Variants in PHACTR2 observed in about 807,000 individuals in gnomAD.
PHACTR2 encodes phosphatase and actin regulator 2.
PHACTR2 carries 30 observed loss-of-function variants against 76.0 expected under a neutral mutation model. The ratio of observed to expected loss-of-function variants is 0.39; its 90% CI spans 0.30 to 0.54. The LOEUF is 0.54. Ranked by LOEUF, PHACTR2 falls within the 20% of genes least tolerant of loss-of-function variation. PHACTR2 has a pLI of 0.61. For synonymous variants in PHACTR2, 292 were observed against 292.5 expected (o/e 1.00, Z 0.02); for missense variants, 696 against 781.1 (o/e 0.89, Z 1.30).
chr6:143,604,702 T>A (rs1775848322), upstream of PHACTR2, among the ~76,000 whole-genome samples: 1 of 151,782 alleles, frequency 6.6e-6, no homozygotes, highest in Non-Finnish European at 1.5e-5. Context: ...ATCAACATGG[T>A]GAAACCCATC....
In PHACTR2 at chr6:143,711,107, A is replaced by G. The variant is rs1218320093; in HGVS notation, c.47-909A>G. 5.9e-6 allele frequency: 3 copies of G among 508,352 alleles called. No homozygotes were observed. In the East Asian group the frequency reaches 1.6e-4, roughly 28 times the overall value. The allele number at this position is 508,352 out of a possible 1,614,324, so 31.5% of individuals were successfully genotyped here. Reference sequence around the variant, plus strand: ...TTGATGAGTTTTGGGTAATCCAACCATCGTTGAGATAATTTCCATCACCGC... The same window carrying G: ...TTGATGAGTTTTGGGTAATCCAACCGTCGTTGAGATAATTTCCATCACCGC... On this transcript the variant is annotated intron_variant, in intron 1 of 12. Transcript: ENST00000440869.
Position 143,753,910 on chromosome 6 carries a change from A to G in PHACTR2, c.452A>G (p.Lys151Arg). 6.3e-7 allele frequency: 1 copy of G among 1,596,118 alleles called. No individual in the cohort carries two copies. Among genetic ancestry groups the G allele is most frequent in the Non-Finnish European group, 8.5e-7 (1 of 1,174,516 alleles). The change falls in exon 4 of 13, where the codon AAA (lysine) becomes AGA (arginine). Residue 151 changes from lysine to arginine, a missense_variant and splice_region_variant. This residue lies in a region of PHACTR2 where 460 missense variants were observed against 450.9 expected (regional missense o/e 1.02). Transcript: ENST00000440869. This position sits in a 1 kb window ranked among gnomAD's most constrained non-coding sequence, Gnocchi z 4.6. The stretch of plus-strand genomic sequence containing the variant: ...CTGGAGGAACAGGCAGAAGATAAGA[A>G]AGGTAAAATAAAGACAAACCCATAT... The part of the protein sequence containing the change: ...PPLEEQAEDK[K>R]ENTENHSETP...
At position 143,783,704 on chromosome 6, in the gene PHACTR2, T is replaced by C. The variant is rs1461980276; in HGVS notation, c.1707+424T>C. On this transcript the variant is annotated intron_variant, in intron 10 of 12. Coordinates refer to ENST00000440869, the MANE Select transcript of PHACTR2 (RefSeq NM_001100164.2). This position sits in a 1 kb window ranked among gnomAD's most constrained non-coding sequence, Gnocchi z 5.2. ...TTTCTGATTGTGTGTTGTGCTAATT[T>C]TGAATAATTAACAAGGGTTTTAAGT... 6.6e-6 allele frequency among the ~76,000 whole-genome samples: 1 copy of C among 152,220 alleles called. No homozygotes were observed. The highest frequency in any genetic ancestry group is 2.4e-5 in the African/African-American group (1 of 41,460).
rs374892080 is a variant in PHACTR2 at position 143,813,402 on chromosome 6, G to A, written c.1922+6269G>A. ...TGGGAGGCTGAGGTCGGTGGATCAC[G>A]AGGTCAGGAGATTGAGATCATCCTG... On this transcript the variant is annotated intron_variant, in intron 12 of 12. Transcript: ENST00000440869. Among the ~76,000 whole-genome samples, 50 of 152,086 alleles carry A rather than the reference G, an allele frequency of 3.3e-4. 1 individual carries two copies. In the East Asian group the frequency reaches 8.7e-3, roughly 26 times the overall value.
chr6:143,702,255 G>A (rs560510841), intron 1 of PHACTR2, among the ~76,000 whole-genome samples: 39 of 150,672 alleles, frequency 2.6e-4, no homozygotes, highest in Non-Finnish European at 4.4e-4. Flanking sequence ...CTACAGGTGC[G>A]CACCACGACA....
At chr6:143,572,712 C>G (rs1019649708) in intron 1 of PHACTR2, among the ~76,000 whole-genome samples, 4 of 152,160 alleles carry the variant, frequency 2.6e-5, no homozygotes, top group African/African-American at 7.2e-5. Flanking sequence ...GCCACCACAC[C>G]CAGCTAATTT....
At chr6:143,612,235 G>A (rs1013927097) in intron 1 of PHACTR2, among the ~76,000 whole-genome samples, 1 of 152,194 alleles carries the variant, frequency 6.6e-6, no homozygotes, top group Admixed American at 6.6e-5. Flanking sequence ...ATAAGACCAG[G>A]CAAAGAGAAA....
At chr6:143,567,156 G>A (rs995415507) in intron 1 of PHACTR2, among the ~76,000 whole-genome samples, 1 of 151,968 alleles carries the variant, frequency 6.6e-6, no homozygotes, top group Admixed American at 6.5e-5. Flanking sequence ...TCACTACCTC[G>A]AAGTACCAAA....
At position 143,771,194 on chromosome 6, in the gene PHACTR2, GTATATATATATATATATATATATA is replaced by G. The variant is rs769993035; in HGVS notation, c.1233-1046_1233-1023del. 1.1e-3 allele frequency among the ~76,000 whole-genome samples: 43 copies of G among 40,476 alleles called. 2 individuals carry two copies. The highest frequency in any genetic ancestry group is 3.3e-3 in the African/African-American group (33 of 9,902). The allele number at this position is 40,476 out of a possible 152,430, so 26.6% of individuals were successfully genotyped here. ...TATATGTATATATATATATATGTGTGTATATATATATATATATATATATATATATATATATATATATGCTTTTTT... is the reference window on the plus strand; with the variant it reads ...TATATGTATATATATATATATGTGTGTATATATATATATATATGCTTTTTT... On this transcript the variant is annotated intron_variant, in intron 6 of 12. Coordinates refer to ENST00000440869, the MANE Select transcript of PHACTR2 (RefSeq NM_001100164.2).
At chr6:143,650,959 C>T (rs1326360823) in intron 1 of PHACTR2, among the ~76,000 whole-genome samples, 2 of 151,962 alleles carry the variant, frequency 1.3e-5, no homozygotes, top group African/African-American at 4.8e-5. Flanking sequence ...TATCCAGCAT[C>T]TATTAATACA....
At chr6:143,814,444 T>C (rs1212668270) in intron 12 of PHACTR2, among the ~76,000 whole-genome samples, 1 of 152,122 alleles carries the variant, frequency 6.6e-6, no homozygotes, top group Non-Finnish European at 1.5e-5. Context: ...GTCTTCATGT[T>C]GAATAGGCTG....
rs753140204 is a variant in PHACTR2, at chr6:143,772,433, G to A, written c.1408G>A (p.Glu470Lys). 16 of 1,613,822 alleles carry A rather than the reference G, an allele frequency of 9.9e-6. No homozygotes were observed. The highest frequency in any genetic ancestry group is 4.5e-5 in the East Asian group (2 of 44,880). Residue 470 changes from glutamate to lysine, a missense_variant, in exon 7 of 13, where the codon GAA (glutamate) becomes AAA (lysine). Physicochemically the swap from Glu to Lys is moderately conservative, Grantham distance 56. Transcript: ENST00000440869. The surrounding 1 kb of genome is among the most constrained non-coding windows in gnomAD (Gnocchi z 5.4). ...ILYTDDEDED[E>K]DEDGSGESAL... The stretch of plus-strand genomic sequence containing the variant: ...GTACACCGATGATGAGGACGAAGAC[G>A]AAGATGAGGATGGCAGTGGAGAAAG...
In PHACTR2 at chr6:143,751,535, C is replaced by T. The variant is rs529803661; in HGVS notation, c.296-2219C>T. 6.6e-6 allele frequency among the ~76,000 whole-genome samples: 1 copy of T among 152,166 alleles called. No homozygotes were observed. Among genetic ancestry groups the T allele is most frequent in the East Asian group, 1.9e-4 (1 of 5,174 alleles). ...TACATGATTTTCTCTTTCTATCTGT[C>T]CCTCCTTTAACTATGATATATCCCC... On this transcript the variant is annotated intron_variant, in intron 3 of 12. Transcript: ENST00000440869. The surrounding 1 kb of genome is among the most constrained non-coding windows in gnomAD (Gnocchi z 5.7).
chr6:143,538,690 A>G (rs1260716699), intron 1 of PHACTR2, among the ~76,000 whole-genome samples: 1 of 152,152 alleles, frequency 6.6e-6, no homozygotes, highest in African/African-American at 2.4e-5. Flanking sequence ...CTCTGACTCC[A>G]CTTCAGCTGG....
chr6:143,560,137 A>G (rs1200210358), intron 1 of PHACTR2, among the ~76,000 whole-genome samples: 1 of 152,208 alleles, frequency 6.6e-6, no homozygotes, highest in East Asian at 1.9e-4. Flanking sequence ...GTGTTTTTAA[A>G]ACATTTTTAG....
chr6:143,733,308 A>G lies in PHACTR2; in HGVS notation c.215-15677A>G, dbSNP rs958159383. Among the ~76,000 whole-genome samples the G allele has an allele frequency of 2.6e-5, 4 of 152,184 alleles. No individual in the cohort carries two copies. The highest frequency in any genetic ancestry group is 9.7e-5 in the African/African-American group (4 of 41,444). On this transcript the variant is annotated intron_variant, in intron 2 of 12. Transcript: ENST00000440869. This position sits in a 1 kb window ranked among gnomAD's most constrained non-coding sequence, Gnocchi z 4.0. ...GTTATCTGACCCCACTTCCTAGTAGATTATAAATTCCATGAGAACAGGGAT... is the reference window on the plus strand; with the variant it reads ...GTTATCTGACCCCACTTCCTAGTAGGTTATAAATTCCATGAGAACAGGGAT...
At chr6:143,815,212 A>G (rs1346990153) in intron 12 of PHACTR2, among the ~76,000 whole-genome samples, 15 of 152,212 alleles carry the variant, frequency 9.9e-5, no homozygotes, top group Admixed American at 8.5e-4. Flanking sequence ...AGCAAGGCTC[A>G]GTATTGGGAA....
chr6:143,732,488 T>C (rs936902932), intron 2 of PHACTR2, among the ~76,000 whole-genome samples: 1 of 152,254 alleles, frequency 6.6e-6, no homozygotes, highest in Non-Finnish European at 1.5e-5. Flanking sequence ...AAACATTCCA[T>C]TGTATGAATA....
chr6:143,761,220 A>G lies in PHACTR2; in HGVS notation c.694+580A>G, dbSNP rs997893649. ...CTATTTCAGTGGAGTGGAAAGTTAC[A>G]CTCTCAGTGTTCCACACCTCCCCTG... On this transcript the variant is annotated intron_variant, in intron 5 of 12. Transcript: ENST00000440869. This position sits in a 1 kb window ranked among gnomAD's most constrained non-coding sequence, Gnocchi z 5.2. 1.2e-4 allele frequency among the ~76,000 whole-genome samples: 18 copies of G among 152,122 alleles called. No individual in the cohort carries two copies. Among genetic ancestry groups the G allele is most frequent in the Non-Finnish European group, 2.4e-4 (16 of 68,008 alleles).
Sources: allele counts gnomAD v4.1 joint callset (sites outside exome capture counted in the v4.1 genomes callset), GRCh38; gene constraint gnomAD v4.1.1; regional missense constraint gnomAD v4.1.1; non-coding constraint Gnocchi (gnomAD v3.1); transcripts MANE v1.5; gene names NCBI Gene and HGNC (gene_info 2026-07-23, HGNC 2026-07-21).